SPTLC1: variants seen among roughly 807,000 people sequenced by gnomAD.
SPTLC1 encodes serine palmitoyltransferase 1.
SPTLC1 carries 55 observed loss-of-function variants against 68.9 expected under a neutral mutation model. The ratio of observed to expected loss-of-function variants is 0.80; its 90% CI spans 0.64 to 1.00. The LOEUF (loss-of-function observed/expected upper bound fraction) is 1.00, where lower values mean the gene tolerates loss of function less well. SPTLC1 is among the 50% of genes least tolerant of loss of function. The probability of loss-of-function intolerance (pLI) is 0.00; values close to 1 mark genes in which losing one functional copy is unlikely to be tolerated. For missense variants in SPTLC1, 449 were observed against 573.1 expected, an observed-to-expected ratio of 0.78 and a Z score of 2.21; for synonymous variants, 197 against 201.6, an observed-to-expected ratio of 0.98 and a Z score of 0.19.
At chr9:92,103,369 G>C (rs1835828262) in intron 3 of SPTLC1, among the ~76,000 whole-genome samples, 1 of 152,178 alleles carries the variant, frequency 6.6e-6, no homozygotes. Flanking sequence ...CCTTCGAGGT[G>C]TGCACGTGCT....
intron 2 of SPTLC1, 39 bp downstream of exon 2, chr9:92,112,416 C>A: frequency 7.2e-7 from 1 of 1,395,008 alleles, no homozygotes; most frequent in Non-Finnish European, 1.0e-6. Flanking sequence ...CAACTATAAT[C>A]ACATACCCAA....
chr9:92,081,873 A>G (rs1421927992), intron 3 of SPTLC1, among the ~76,000 whole-genome samples: 1 of 152,208 alleles, frequency 6.6e-6, no homozygotes, highest in Non-Finnish European at 1.5e-5. Flanking sequence ...TCTCATTGAT[A>G]CCTTTTAACA....
Position 92,104,829 on chromosome 9 carries a change from A to G in SPTLC1, c.260+3911T>C, listed in dbSNP as rs199515056. ...TACAATCCCAGGCCCTTGGAGGGAA[A>G]TGTCCACCTCAAGAGCTTGACAGAA... On this transcript the variant is annotated intron_variant, in intron 3 of 14. Transcript: ENST00000262554. The G allele has an allele frequency of 2.0e-6, 3 of 1,529,182 alleles. No homozygotes were observed. In the Middle Eastern group the frequency reaches 6.9e-4, roughly 352 times the overall value. 94.7% of individuals were successfully genotyped at this position (1,529,182 alleles called of 1,614,324 possible). A position where few individuals can be genotyped will look rare whatever the true frequency, so the allele number is the denominator to read the frequency against.
At chr9:92,065,292 G>C (rs1834241872) in intron 6 of SPTLC1, among the ~76,000 whole-genome samples, 1 of 152,196 alleles carries the variant, frequency 6.6e-6, no homozygotes, top group South Asian at 2.1e-4. Context: ...ACTGTTTACT[G>C]AAAGGAAGGA....
At chr9:92,032,792 C>T (rs561774184) in intron 14 of SPTLC1, among the ~76,000 whole-genome samples, 2 of 151,118 alleles carry the variant, frequency 1.3e-5, no homozygotes, top group African/African-American at 2.4e-5. Flanking sequence ...AGGAGAATGG[C>T]GTGAACCTGG....
chr9:92,093,305 A>C (rs571262102), intron 3 of SPTLC1, among the ~76,000 whole-genome samples: 1 of 152,366 alleles, frequency 6.6e-6, no homozygotes, highest in African/African-American at 2.4e-5. Flanking sequence ...AATTGATAAG[A>C]CTATAATACC....
At chr9:92,085,547 C>T (rs1344728958) in intron 3 of SPTLC1, among the ~76,000 whole-genome samples, 6 of 150,076 alleles carry the variant, frequency 4.0e-5, no homozygotes, top group Middle Eastern at 3.4e-3. Flanking sequence ...TGTAGTTGAG[C>T]GGTTTTGAGT....
At chr9:92,108,984 T>C in intron 2 of SPTLC1, 150 bp from the exon 3 acceptor site, 1 of 1,216,152 alleles carries the variant, frequency 8.2e-7, no homozygotes, top group Non-Finnish European at 1.1e-6. Flanking sequence ...CTTCACACTA[T>C]TAGTACGTCT....
chr9:92,067,306 A>C (rs9696920), intron 6 of SPTLC1, among the ~76,000 whole-genome samples: 8,306 of 118,996 alleles, frequency 0.07, 284 homozygotes, highest in South Asian at 0.16. Flanking sequence ...CTCACACACA[A>C]AAAAAAAAAA....
In SPTLC1 at chr9:92,038,371, G is replaced by A. The variant is rs377583863; in HGVS notation, c.1137-6C>T. The A allele has an allele frequency of 4.3e-5, 68 of 1,565,492 alleles. No homozygotes were observed. In the African/African-American group the frequency reaches 8.4e-4, roughly 19 times the overall value. On this transcript the variant is annotated splice_polypyrimidine_tract_variant and splice_region_variant and intron_variant, in intron 12 of 14. Coordinates refer to ENST00000262554, the MANE Select transcript of SPTLC1 (RefSeq NM_006415.4). ...CCACTTTTAATCCAGAAATGCTGAAGAAGGGAAACACACACACAGCTGTAA... is the reference window on the plus strand; with the variant it reads ...CCACTTTTAATCCAGAAATGCTGAAAAAGGGAAACACACACACAGCTGTAA...
intron 5 of SPTLC1, among the ~76,000 whole-genome samples, chr9:92,073,491 C>T (rs1834570218): frequency 6.6e-6 from 1 of 152,128 alleles, no homozygotes; most frequent in Admixed American, 6.5e-5. Flanking sequence ...GCATATAAAG[C>T]CGTGAATTAT....
intron 14 of SPTLC1, among the ~76,000 whole-genome samples, 187 bp from the exon 15 acceptor site, chr9:92,032,745 G>A (rs1264967933): frequency 6.6e-6 from 1 of 151,926 alleles, no homozygotes. Context: ...GTGTGGTGGC[G>A]GGTGCCTGTA....
intron 4 of SPTLC1, 28 bp from the exon 5 acceptor site, chr9:92,080,116 T>C (rs1036705689): frequency 1.2e-5 from 19 of 1,560,232 alleles, no homozygotes; most frequent in Non-Finnish European, 1.5e-5. Context: ...AATTATACTT[T>C]AATAATTTAT....
chr9:92,072,258 C>T (rs1834521076), intron 5 of SPTLC1, among the ~76,000 whole-genome samples: 1 of 152,210 alleles, frequency 6.6e-6, no homozygotes, highest in Admixed American at 6.5e-5. Flanking sequence ...GCGAACACTC[C>T]CACCTCTGTC....
At chr9:92,040,959 C>T (rs759771698) in intron 12 of SPTLC1, among the ~76,000 whole-genome samples, 1 of 152,060 alleles carries the variant, frequency 6.6e-6, no homozygotes, top group Admixed American at 6.6e-5. Context: ...TTGAGTTCAG[C>T]GAAGCCGTGT....
chr9:92,053,066 A>G (rs1188332671), intron 8 of SPTLC1, among the ~76,000 whole-genome samples: 3 of 152,032 alleles, frequency 2.0e-5, no homozygotes, highest in Non-Finnish European at 4.4e-5. Context: ...AATTTAAAAA[A>G]TGGGCAAAGC....
chr9:92,058,318 T>G (rs986277620), intron 7 of SPTLC1, among the ~76,000 whole-genome samples: 4 of 152,078 alleles, frequency 2.6e-5, no homozygotes, highest in Non-Finnish European at 5.9e-5. Context: ...AATTGAAAAT[T>G]AACACAAAAT....
chr9:92,082,932 C>G (rs529577809), intron 3 of SPTLC1, among the ~76,000 whole-genome samples: 5 of 152,328 alleles, frequency 3.3e-5, no homozygotes, highest in Admixed American at 3.3e-4. Context: ...GACTGCCATT[C>G]TAACTGGTGT....
At chr9:92,072,773 G>A (rs1283761313) in intron 5 of SPTLC1, among the ~76,000 whole-genome samples, 1 of 152,012 alleles carries the variant, frequency 6.6e-6, no homozygotes, top group Non-Finnish European at 1.5e-5. Flanking sequence ...AACTTCGGTT[G>A]CAAAATGGGC....
Sources: gnomAD v4.1 joint callset for allele counts (sites outside exome capture counted in the v4.1 genomes callset) on GRCh38, gnomAD v4.1.1 for gene constraint, MANE v1.5 for transcripts, NCBI Gene and HGNC (gene_info 2026-07-23, HGNC 2026-07-21) for gene names.